ANKH: variants seen among roughly 807,000 people sequenced by gnomAD.
ANKH encodes the protein mineralization regulator ANKH.
A neutral mutation model predicts 49.0 loss-of-function variants in ANKH; 15 were observed. The observed-to-expected ratio is 0.31, with a 90% confidence interval of 0.20 to 0.47. The LOEUF (loss-of-function observed/expected upper bound fraction) is 0.47. Ranked by LOEUF, ANKH falls within the 20% of genes least tolerant of loss-of-function variation. The pLI, the probability that ANKH is intolerant of heterozygous loss-of-function variation, is 1.00. For missense variants in ANKH, 429 were observed against 652.0 expected (o/e 0.66, Z 3.72); for synonymous variants, 273 against 260.0 (o/e 1.05, Z -0.48).
chr5:14,798,006 T>A, intron 1 of ANKH: 1 of 1,567,446 alleles, frequency 6.4e-7, no homozygotes, highest in African/African-American at 1.4e-5. Context: ...CTGGGGCATA[T>A]AACGGGCCCT....
In ANKH at chr5:14,745,908, A is replaced by G. The variant is rs774356124; in HGVS notation, c.877T>C (p.Leu293=). 2.5e-6 allele frequency: 4 copies of G among 1,614,166 alleles called. No homozygotes were observed. The highest frequency in any genetic ancestry group is 3.4e-6 in the Non-Finnish European group (4 of 1,180,026). Residue 293 remains leucine (L), a synonymous_variant, in exon 7 of 12, where the codon TTG becomes CTG. Coordinates refer to ENST00000284268, the MANE Select transcript of ANKH (RefSeq NM_054027.6). This position sits in a 1 kb window ranked among gnomAD's most constrained non-coding sequence, Gnocchi z 4.7. The part of the protein sequence containing the change: ...YPVGHMPYGW[L]TEIRAVYPAF... ...GGATACACAGCACGGATTTCCGTCA[A>G]CCAGCCGTATGGCATGTGACCCACA...
chr5:14,842,164 T>C (rs1202894552), intron 1 of ANKH, among the ~76,000 whole-genome samples: 2 of 152,222 alleles, frequency 1.3e-5, no homozygotes, highest in African/African-American at 2.4e-5. Context: ...CATTTCAGCC[T>C]GCTGTAAGGT....
At chr5:14,822,828 C>T (rs546004460) in intron 1 of ANKH, among the ~76,000 whole-genome samples, 19 of 152,184 alleles carry the variant, frequency 1.2e-4, no homozygotes, top group African/African-American at 4.6e-4. Context: ...GGGTGGACCA[C>T]GAGGTCAGGA....
intron 1 of ANKH, among the ~76,000 whole-genome samples, chr5:14,848,909 A>G (rs2126618833): frequency 6.6e-6 from 1 of 152,334 alleles, no homozygotes; most frequent in Non-Finnish European, 1.5e-5. Context: ...TTAAAACAAC[A>G]TTGTTTTATA....
At position 14,705,552 on chromosome 5, in the gene ANKH, C is replaced by T. The variant is rs568862998; in HGVS notation, c.*5645G>A. 3.9e-5 allele frequency: 6 copies of T among 152,350 alleles called. No individual in the cohort carries two copies. The highest frequency in any genetic ancestry group is 1.9e-4 in the East Asian group (1 of 5,186). The allele number at this position is 152,350 out of a possible 1,614,324, so 9.4% of individuals were successfully genotyped here. ...TGAGTGTCGGCATGGAACAGAATCACGTGTGTGGCTCTTGTCCACTTTCCC... is the reference window on the plus strand; with the variant it reads ...TGAGTGTCGGCATGGAACAGAATCATGTGTGTGGCTCTTGTCCACTTTCCC... On this transcript the variant is annotated 3_prime_UTR_variant, in exon 12 of 12. Coordinates refer to ENST00000284268, the MANE Select transcript of ANKH (RefSeq NM_054027.6).
chr5:14,858,949 A>T (rs192169912), intron 1 of ANKH, among the ~76,000 whole-genome samples: 7 of 151,222 alleles, frequency 4.6e-5, no homozygotes, highest in Admixed American at 2.6e-4. Flanking sequence ...TTTTTTTTTT[A>T]AAAGGGAGAT....
chr5:14,869,575 T>G (rs1382168907), intron 1 of ANKH: 1 of 152,170 alleles, frequency 6.6e-6, no homozygotes, highest in Non-Finnish European at 1.5e-5. Flanking sequence ...TAAGGATGAG[T>G]TAGAATTATT....
chr5:14,739,508 G>C (rs1030115523), intron 8 of ANKH, among the ~76,000 whole-genome samples: 5 of 152,184 alleles, frequency 3.3e-5, no homozygotes, highest in African/African-American at 1.2e-4. Context: ...TGGATCAATT[G>C]ATTGAATCAT....
At chr5:14,780,924 T>C (rs1580062213) in intron 1 of ANKH, among the ~76,000 whole-genome samples, 1 of 152,342 alleles carries the variant, frequency 6.6e-6, no homozygotes, top group South Asian at 2.1e-4. Flanking sequence ...TTTTAAAATG[T>C]GCCTTACACC....
intron 8 of ANKH, among the ~76,000 whole-genome samples, chr5:14,721,669 T>A (rs12187020): frequency 9.2e-5 from 14 of 152,148 alleles, no homozygotes; most frequent in Non-Finnish European, 1.5e-4. Flanking sequence ...TGGTGGCTCA[T>A]GCCTGTAATC....
chr5:14,789,639 T>C (rs916322166), intron 1 of ANKH, among the ~76,000 whole-genome samples: 1 of 152,226 alleles, frequency 6.6e-6, no homozygotes, highest in Non-Finnish European at 1.5e-5. Context: ...ACTTTCAAGA[T>C]GGCAAAGTGC....
At chr5:14,714,294 C>G (rs1202098531) in intron 9 of ANKH, among the ~76,000 whole-genome samples, 2 of 152,230 alleles carry the variant, frequency 1.3e-5, no homozygotes, top group Non-Finnish European at 2.9e-5. Flanking sequence ...CCTGCCTCTT[C>G]ACTGGATCTC....
intron 1 of ANKH, among the ~76,000 whole-genome samples, chr5:14,826,984 ACTC>A (rs1380310711): frequency 6.6e-6 from 1 of 151,856 alleles, no homozygotes; most frequent in Non-Finnish European, 1.5e-5. Flanking sequence ...GTCTCCAAAA[ACTC>A]CTGACCAAAC....
At position 14,871,337 on chromosome 5, in the gene ANKH, G is replaced by T; in HGVS notation, c.96+15C>A. ...GGCAGGGCGAGCGGGCGTGGGGCGC[G>T]GGGCCGGGGCTTACCTGCTCCCCGA... On this transcript the variant is annotated intron_variant, in intron 1 of 11. Coordinates refer to ENST00000284268, the MANE Select transcript of ANKH (RefSeq NM_054027.6). The T allele has an allele frequency of 6.2e-7, 1 of 1,608,324 alleles. No homozygotes were observed. Among genetic ancestry groups the T allele is most frequent in the Non-Finnish European group, 8.5e-7 (1 of 1,176,100 alleles).
rs1737111331 is a variant in ANKH at position 14,710,173 on chromosome 5, A to G, written c.*1024T>C. 6.6e-6 allele frequency: 1 copy of G among 152,252 alleles called. No individual in the cohort carries two copies. Among genetic ancestry groups the G allele is most frequent in the Non-Finnish European group, 1.5e-5 (1 of 68,044 alleles). 9.4% of individuals were successfully genotyped at this position (152,252 alleles called of 1,614,324 possible). ...TCTCAATTACCTGTACCGCAGAGTT[A>G]TGACTAAGGATAGCAGAACCAGGTA... is the stretch of plus-strand genomic sequence containing the variant. On this transcript the variant is annotated 3_prime_UTR_variant, in exon 12 of 12. Transcript: ENST00000284268.
At chr5:14,865,231 G>A (rs964740495) in intron 1 of ANKH, among the ~76,000 whole-genome samples, 2 of 152,020 alleles carry the variant, frequency 1.3e-5, no homozygotes, top group African/African-American at 4.8e-5. Flanking sequence ...TTGCACTCCA[G>A]CCTGGGCAAC....
intron 4 of ANKH, 115 bp from the exon 5 acceptor site, chr5:14,751,354 T>C (rs937622407): frequency 7.0e-6 from 8 of 1,140,238 alleles, no homozygotes; most frequent in Middle Eastern, 2.7e-4. Context: ...ATCTTGACTT[T>C]TATGCAAACA....
chr5:14,814,704 G>A (rs1477521474), intron 1 of ANKH, among the ~76,000 whole-genome samples: 1 of 152,196 alleles, frequency 6.6e-6, no homozygotes, highest in Non-Finnish European at 1.5e-5. Context: ...TCTGTTTCCA[G>A]CACTAAGGTG....
chr5:14,804,805 C>A (rs1740657836), intron 1 of ANKH, among the ~76,000 whole-genome samples: 1 of 152,110 alleles, frequency 6.6e-6, no homozygotes, highest in African/African-American at 2.4e-5. Context: ...ATGGGGAATC[C>A]CCAGGCATAG....
Sources: allele counts gnomAD v4.1 joint callset (sites outside exome capture counted in the v4.1 genomes callset), GRCh38; gene constraint gnomAD v4.1.1; non-coding constraint Gnocchi (gnomAD v3.1); transcripts MANE v1.5; gene names NCBI Gene and HGNC (gene_info 2026-07-23, HGNC 2026-07-21).